Variants in GTF2IRD1 observed in about 807,000 individuals in gnomAD.
GTF2IRD1 encodes general transcription factor II-I repeat domain-containing protein 1.
In GTF2IRD1, 26 loss-of-function variants were observed where a neutral mutation model predicts 113.2. The observed-to-expected ratio is 0.23, with a 90% confidence interval of 0.17 to 0.32. The LOEUF (loss-of-function observed/expected upper bound fraction) is 0.32. GTF2IRD1 is among the 10% of genes least tolerant of loss of function. The pLI is 1.00. For synonymous variants in GTF2IRD1, 484 were observed against 529.1 expected, an observed-to-expected ratio of 0.91 and a Z score of 1.17; for missense variants, 864 against 1,280.8, an observed-to-expected ratio of 0.67 and a Z score of 4.97.
rs190379605 is a variant in GTF2IRD1 at position 74,579,525 on chromosome 7, G to A, written c.2321-10326G>A. Among the ~76,000 whole-genome samples, 670 of 151,724 alleles carry A rather than the reference G, an allele frequency of 4.4e-3. 3 individuals are homozygous for A. Among genetic ancestry groups the A allele is most frequent in the African/African-American group, 0.015 (627 of 41,404 alleles). On this transcript the variant is annotated intron_variant, in intron 22 of 26. Transcript: ENST00000424337. ...CTCAGCTACTTAGGAGGCTAAGGCA[G>A]GAGAATTGCTGGAACCTGGGAGGCG... is the stretch of plus-strand genomic sequence containing the variant.
At chr7:74,504,856 C>T (rs956764544) in intron 1 of GTF2IRD1, among the ~76,000 whole-genome samples, 15 of 151,314 alleles carry the variant, frequency 9.9e-5, no homozygotes, top group African/African-American at 3.2e-4. Context: ...TACAGGCGCC[C>T]GCCACCACGC....
intron 22 of GTF2IRD1, among the ~76,000 whole-genome samples, chr7:74,564,748 AAGAGAG>A (rs111577999): frequency 6.6e-6 from 1 of 151,132 alleles, no homozygotes; most frequent in African/African-American, 2.4e-5. Context: ...GTCTCTAAAA[AAGAGAG>A]AGAGAGAGAG....
At chr7:74,503,210 G>A (rs996603095) in intron 1 of GTF2IRD1, among the ~76,000 whole-genome samples, 6 of 151,986 alleles carry the variant, frequency 3.9e-5, no homozygotes, top group African/African-American at 4.8e-5. Context: ...TGCCCAGGGA[G>A]CGGTCACCTC....
intron 14 of GTF2IRD1, among the ~76,000 whole-genome samples, chr7:74,540,771 A>G (rs1323482705): frequency 1.3e-5 from 2 of 151,904 alleles, no homozygotes; most frequent in African/African-American, 4.8e-5. Context: ...CAACATAGAG[A>G]GACCCATCTC....
chr7:74,601,680 G>T (rs1233654120), intron 26 of GTF2IRD1: 3 of 267,944 alleles, frequency 1.1e-5, no homozygotes, highest in Non-Finnish European at 2.1e-5. Flanking sequence ...TACTTGGAAG[G>T]CTGAGATAGG....
chr7:74,518,305 C>G lies in GTF2IRD1; in HGVS notation c.588C>G (p.Ile196Met). Reference protein sequence around the residue: ...LMAILEHSHRIRFKLKRPLED... With the variant: ...LMAILEHSHRMRFKLKRPLED... ...CCATCCTGGAACACAGCCACCGCAT[C>G]CGCTTCAAGCTCAAGAGGTGAGTGA... Residue 196 changes from isoleucine to methionine, a missense_variant, in exon 5 of 27, where the codon ATC (isoleucine) becomes ATG (methionine). Physicochemically the swap from Ile to Met is conservative, Grantham distance 10 (BLOSUM62 1). Around this residue, in one of 7 missense-constraint regions of GTF2IRD1, gnomAD observed 195 missense variants for 196.6 expected, o/e 0.99. Coordinates refer to ENST00000424337, the MANE Select transcript of GTF2IRD1 (RefSeq NM_005685.4). The G allele has an allele frequency of 6.3e-7, 1 of 1,597,398 alleles. No homozygotes were observed. Among genetic ancestry groups the G allele is most frequent in the South Asian group, 1.1e-5 (1 of 90,400 alleles).
At position 74,595,032 on chromosome 7, in the gene GTF2IRD1, C is replaced by T. The variant is rs149528786; in HGVS notation, c.2610C>T (p.Cys870=). 43 of 1,605,376 alleles carry T rather than the reference C, an allele frequency of 2.7e-5. No individual in the cohort carries two copies. The African/African-American group carries it at 5.5e-4, about 20-fold the overall frequency. ...INQLQPFAEI[C]NDAKVPAKDS... is the part of the protein sequence containing the mutation. ...TTTTCAGACCCTTTGCAGAAATCTG[C>T]AATGATGCCAAGGTGCCAGGTGAGT... Residue 870 remains cysteine (C), a synonymous_variant, in exon 25 of 27, where the codon TGC becomes TGT. Transcript: ENST00000424337.
At chr7:74,505,641 G>T (rs1211355064) in intron 1 of GTF2IRD1, among the ~76,000 whole-genome samples, 1 of 152,228 alleles carries the variant, frequency 6.6e-6, no homozygotes, top group Admixed American at 6.5e-5. Context: ...GCCCTGATTC[G>T]ATTTGGGCCT....
At chr7:74,596,001 C>T (rs1199395198) in intron 25 of GTF2IRD1, 1 of 152,106 alleles carries the variant, frequency 6.6e-6, no homozygotes, top group Non-Finnish European at 1.5e-5. Flanking sequence ...GAAAGTACTC[C>T]CGGGTGACTA....
At chr7:74,546,208 C>T (rs1188791929) in intron 16 of GTF2IRD1, among the ~76,000 whole-genome samples, 1 of 151,588 alleles carries the variant, frequency 6.6e-6, no homozygotes, top group African/African-American at 2.4e-5. Flanking sequence ...AGGTGATTCC[C>T]CATGTTTTTC....
At chr7:74,455,726 G>C (rs1204920227) in intron 1 of GTF2IRD1, among the ~76,000 whole-genome samples, 1 of 152,158 alleles carries the variant, frequency 6.6e-6, no homozygotes, top group African/African-American at 2.4e-5. Context: ...CAGGGTATCG[G>C]AACCCCCATC....
At chr7:74,600,909 C>T in intron 25 of GTF2IRD1, 135 bp from the exon 26 acceptor site, 1 of 934,298 alleles carries the variant, frequency 1.1e-6, no homozygotes, top group East Asian at 2.5e-5. Context: ...GCCCTGACCC[C>T]CAGGGGATCA....
chr7:74,540,042 G>C, intron 14 of GTF2IRD1, 74 bp downstream of exon 14: 1 of 1,055,992 alleles, frequency 9.5e-7, no homozygotes. Flanking sequence ...GGTGGGCCAG[G>C]CCGTCCCCAG....
chr7:74,462,909 A>G (rs1398294780), intron 1 of GTF2IRD1, among the ~76,000 whole-genome samples: 4 of 152,198 alleles, frequency 2.6e-5, no homozygotes, highest in African/African-American at 9.6e-5. Flanking sequence ...GCTCTGGAGT[A>G]ATTGAGGCTA....
At chr7:74,525,703 G>T (rs1303338665) in intron 8 of GTF2IRD1, among the ~76,000 whole-genome samples, 4 of 151,996 alleles carry the variant, frequency 2.6e-5, no homozygotes, top group African/African-American at 9.7e-5. Context: ...GTTGCAGTGG[G>T]CCGAGATCAC....
rs181306727 is a variant in GTF2IRD1, at chr7:74,453,911, T to G, written c.-272T>G. On this transcript the variant is annotated 5_prime_UTR_variant, in exon 1 of 27. Transcript: ENST00000424337. ...TCCCCGCGCTCCCGCTCTCCGCTCC[T>G]CTCCCCGCGCCGCCCCGCCCTCCGC... 0.053 allele frequency: 7,937 copies of G among 148,492 alleles called. 619 individuals are homozygous for G. Among genetic ancestry groups the G allele is most frequent in the African/African-American group, 0.17 (6,823 of 40,414 alleles). 9.2% of individuals were successfully genotyped at this position (148,492 alleles called of 1,614,324 possible).
chr7:74,535,196 C>A, intron 10 of GTF2IRD1, 58 bp downstream of exon 10: 1 of 1,402,214 alleles, frequency 7.1e-7, no homozygotes, highest in Non-Finnish European at 1.0e-6. Flanking sequence ...CCAACAGAAC[C>A]CGAGCTGCCA....
intron 1 of GTF2IRD1, among the ~76,000 whole-genome samples, chr7:74,486,405 T>C (rs1377796132): frequency 1.3e-5 from 2 of 152,188 alleles, no homozygotes; most frequent in Non-Finnish European, 2.9e-5. Context: ...CTGAGGGCTT[T>C]GGTCATCCTG....
intron 14 of GTF2IRD1, among the ~76,000 whole-genome samples, chr7:74,544,158 C>G (rs1425277595): frequency 2.0e-5 from 3 of 152,136 alleles, no homozygotes; most frequent in Non-Finnish European, 2.9e-5. Context: ...AACAAATTGT[C>G]CCTTGTATTC....
Sources: gnomAD v4.1 joint callset for allele counts (sites outside exome capture counted in the v4.1 genomes callset) on GRCh38, gnomAD v4.1.1 for gene constraint, gnomAD v4.1.1 regional missense constraint, MANE v1.5 for transcripts, NCBI Gene and HGNC (gene_info 2026-07-23, HGNC 2026-07-21) for gene names.